The following LPP variants were observed in gnomAD, a reference collection of about 807,000 sequenced individuals.
LPP encodes the protein LIM domain containing preferred translocation partner in lipoma.
A neutral mutation model predicts 60.4 loss-of-function variants in LPP; 38 were observed. The observed-to-expected ratio is 0.63, with a 90% confidence interval of 0.49 to 0.83. The LOEUF (loss-of-function observed/expected upper bound fraction) is 0.83. LPP is among the 40% of genes least tolerant of loss of function. LPP has a pLI of 0.00. For missense variants in LPP, 902 were observed against 783.6 expected, an observed-to-expected ratio of 1.15 and a Z score of -1.80; for synonymous variants, 328 against 290.8, an observed-to-expected ratio of 1.13 and a Z score of -1.30.
intron 4 of LPP, among the ~76,000 whole-genome samples, chr3:188,451,568 C>A (rs79850821): frequency 0.062 from 9,497 of 152,140 alleles, 395 homozygotes; most frequent in Middle Eastern, 0.11. Flanking sequence ...TTCTCTGGAA[C>A]CTTTAGTGTG....
chr3:188,613,996 C>T (rs1455428850), intron 7 of LPP, among the ~76,000 whole-genome samples: 1 of 151,540 alleles, frequency 6.6e-6, no homozygotes, highest in Non-Finnish European at 1.5e-5. Context: ...GACGTGATCT[C>T]GGCTCACTGC....
At chr3:188,691,341 C>T (rs751442833) in intron 7 of LPP, among the ~76,000 whole-genome samples, 5 of 152,188 alleles carry the variant, frequency 3.3e-5, no homozygotes, top group Admixed American at 6.5e-5. Context: ...GCCTTGAGTG[C>T]TCTACTTAGA....
intron 2 of LPP, among the ~76,000 whole-genome samples, chr3:188,311,343 A>T (rs1270394524): frequency 6.6e-6 from 1 of 151,988 alleles, no homozygotes; most frequent in African/African-American, 2.4e-5. Flanking sequence ...GTTGGTCATG[A>T]TGGTGTACAC....
intron 6 of LPP, among the ~76,000 whole-genome samples, chr3:188,600,388 T>G (rs1165916417): frequency 6.6e-6 from 1 of 151,306 alleles, no homozygotes; most frequent in Non-Finnish European, 1.5e-5. Flanking sequence ...ACCAATGTTA[T>G]CAGTTGGGAA....
At chr3:188,458,947 T>C (rs1198847623) in intron 4 of LPP, among the ~76,000 whole-genome samples, 1 of 152,058 alleles carries the variant, frequency 6.6e-6, no homozygotes, top group Admixed American at 6.6e-5. Context: ...TTAAACTCTA[T>C]GTGGCTTCTG....
chr3:188,749,401 G>A (rs1213135334), intron 8 of LPP, among the ~76,000 whole-genome samples: 65 of 152,086 alleles, frequency 4.3e-4, no homozygotes, highest in Non-Finnish European at 5.9e-5. Context: ...AGTTTGGAAT[G>A]GCTACTTTCT....
chr3:188,329,085 A>T (rs1759259298), intron 2 of LPP, among the ~76,000 whole-genome samples: 1 of 152,168 alleles, frequency 6.6e-6, no homozygotes, highest in African/African-American at 2.4e-5. Context: ...ATGATTATGA[A>T]AATAATTTTG....
At chr3:188,536,136 G>A (rs926924065) in intron 6 of LPP, among the ~76,000 whole-genome samples, 4 of 151,564 alleles carry the variant, frequency 2.6e-5, no homozygotes, top group Non-Finnish European at 5.9e-5. Flanking sequence ...AGCCTCCTGA[G>A]TAACTGGGAT....
intron 9 of LPP, among the ~76,000 whole-genome samples, chr3:188,811,278 T>C (rs1750859277): frequency 6.6e-6 from 1 of 151,730 alleles, no homozygotes; most frequent in South Asian, 2.1e-4. Context: ...AGTGGGCATT[T>C]AGGAAATGAA....
At chr3:188,291,424 G>A (rs1189644262) in intron 2 of LPP, among the ~76,000 whole-genome samples, 1 of 152,092 alleles carries the variant, frequency 6.6e-6, no homozygotes. Flanking sequence ...TGGATCACGA[G>A]GTCAGGAGAT....
At chr3:188,445,433 G>A (rs537818409) in intron 4 of LPP, among the ~76,000 whole-genome samples, 1 of 152,208 alleles carries the variant, frequency 6.6e-6, no homozygotes, top group South Asian at 2.1e-4. Context: ...ATTGGGAGTT[G>A]AAGAATGAGA....
intron 2 of LPP, among the ~76,000 whole-genome samples, chr3:188,231,677 GC>G (rs1356876217): frequency 1.3e-5 from 2 of 151,776 alleles, no homozygotes; most frequent in African/African-American, 4.8e-5. Context: ...ACCATCTGCA[GC>G]TCCTCTCTGT....
chr3:188,862,750 AAAG>A (rs1220099244), intron 9 of LPP, among the ~76,000 whole-genome samples: 1 of 146,148 alleles, frequency 6.8e-6, no homozygotes, highest in Non-Finnish European at 1.5e-5. Flanking sequence ...AGAAAAAAGA[AAAG>A]AAAGAAAGAA....
At chr3:188,675,590 G>A (rs539460651) in intron 7 of LPP, among the ~76,000 whole-genome samples, 16 of 152,150 alleles carry the variant, frequency 1.1e-4, no homozygotes, top group South Asian at 4.1e-4. Context: ...CATTGTTCTA[G>A]TTCTATTTCT....
At chr3:188,195,726 A>G (rs1285195451) in intron 1 of LPP, among the ~76,000 whole-genome samples, 1 of 152,356 alleles carries the variant, frequency 6.6e-6, no homozygotes, top group Middle Eastern at 3.4e-3. Flanking sequence ...ACTTCTTGGA[A>G]TGATAATATT....
rs1206082559 is a variant in LPP, at chr3:188,785,547, T to TATATATATACAC, written c.1410+25266_1410+25267insTATATATACACA. Among the ~76,000 whole-genome samples the TATATATATACAC allele has an allele frequency of 4.8e-4, 21 of 43,844 alleles. 5 individuals are homozygous for TATATATATACAC. The highest frequency in any genetic ancestry group is 1.9e-3 in the Admixed American group (6 of 3,174). The allele number at this position is 43,844 out of a possible 152,430, so 28.8% of individuals were successfully genotyped here. A position where few individuals can be genotyped will look rare whatever the true frequency, so the allele number is the denominator to read the frequency against. ...ATATATATTCCATCATATATATATA[T>TATATATATACAC]ACACACACACACACACACACACACA... On this transcript the variant is annotated intron_variant, in intron 9 of 11. Coordinates refer to ENST00000617246, the MANE Select transcript of LPP (RefSeq NM_001375462.1).
chr3:188,239,514 T>G (rs1723101048), intron 2 of LPP, among the ~76,000 whole-genome samples: 1 of 152,226 alleles, frequency 6.6e-6, no homozygotes, highest in Non-Finnish European at 1.5e-5. Flanking sequence ...TTACTATCGC[T>G]ATTGGTTTTA....
intron 8 of LPP, among the ~76,000 whole-genome samples, chr3:188,714,033 A>C (rs1206183342): frequency 6.6e-6 from 1 of 152,216 alleles, no homozygotes; most frequent in African/African-American, 2.4e-5. Context: ...TCGCAGCCAC[A>C]ACATGACTGG....
At chr3:188,215,082 G>C (rs1236018217) in intron 1 of LPP, among the ~76,000 whole-genome samples, 3 of 152,154 alleles carry the variant, frequency 2.0e-5, no homozygotes, top group Non-Finnish European at 4.4e-5. Flanking sequence ...GAGGTGGGCA[G>C]ATCACTTGAG....
Sources: allele counts gnomAD v4.1 joint callset (sites outside exome capture counted in the v4.1 genomes callset), GRCh38; gene constraint gnomAD v4.1.1; transcripts MANE v1.5; gene names NCBI Gene and HGNC (gene_info 2026-07-23, HGNC 2026-07-21).